The following ORMDL3 variants were observed in gnomAD, a reference collection of about 807,000 sequenced individuals.
ORMDL3 encodes the protein ORM1-like protein 3.
A neutral mutation model predicts 12.6 loss-of-function variants in ORMDL3; 6 were observed. The observed-to-expected ratio is 0.48, with a 90% CI of 0.26 to 0.94. ORMDL3 has a LOEUF of 0.94. Ranked by LOEUF, ORMDL3 falls within the 40% of genes least tolerant of loss-of-function variation. ORMDL3 has a pLI of 0.14. For synonymous variants in ORMDL3, 99 were observed against 87.2 expected (o/e 1.14, Z -0.75); for missense variants, 159 against 205.5 (o/e 0.77, Z 1.38).
intron 1 of ORMDL3, 123 bp downstream of exon 1, chr17:39,927,361 C>T: frequency 7.5e-6 from 5 of 669,212 alleles, no homozygotes; most frequent in Non-Finnish European, 9.2e-6. Context: ...GGCTGATGCA[C>T]TCCCTCCACC....
intron 1 of ORMDL3, chr17:39,926,395 T>A (rs1978421094): frequency 6.6e-6 from 1 of 152,246 alleles, no homozygotes; most frequent in South Asian, 2.1e-4. Flanking sequence ...GGAAACACTC[T>A]TGAGACTTTC....
rs1190465117 is a variant in ORMDL3 at position 39,922,340 on chromosome 17, A to G, written c.*210T>C. The G allele has an allele frequency of 9.4e-6, 5 of 531,838 alleles. No homozygotes were observed. The highest frequency in any genetic ancestry group is 1.6e-5 in the Non-Finnish European group (5 of 304,302). The allele number at this position is 531,838 out of a possible 1,614,324, so 32.9% of individuals were successfully genotyped here. A position where few individuals can be genotyped will look rare whatever the true frequency, so the allele number is the denominator to read the frequency against. On this transcript the variant is annotated 3_prime_UTR_variant, in exon 4 of 4. Transcript: ENST00000304046. ...AAGGAAAAGATCAAAAAATTCAGAAAAGGTCAGAGCCCAGGGGGCCTACCC... is the reference window on the plus strand; with the variant it reads ...AAGGAAAAGATCAAAAAATTCAGAAGAGGTCAGAGCCCAGGGGGCCTACCC...
chr17:39,921,347 TGA>T lies in ORMDL3; in HGVS notation c.*1201_*1202del. 6.5e-6 allele frequency: 1 copy of T among 152,680 alleles called. No individual in the cohort carries two copies. Among genetic ancestry groups the T allele is most frequent in the Middle Eastern group, 3.4e-3 (1 of 298 alleles). 9.5% of individuals were successfully genotyped at this position (152,680 alleles called of 1,614,324 possible). On this transcript the variant is annotated 3_prime_UTR_variant, in exon 4 of 4. Coordinates refer to ENST00000304046, the MANE Select transcript of ORMDL3 (RefSeq NM_139280.4). ...CGGCCTCACTTTCTTCTCTGCAGGC[TGA>T]GACAGTGCCTACAGGCCACGTCTTG... is the stretch of plus-strand genomic sequence containing the variant.
chr17:39,925,116 G>A (rs1056998814), intron 1 of ORMDL3: 1 of 152,392 alleles, frequency 6.6e-6, no homozygotes, highest in Non-Finnish European at 1.5e-5. Flanking sequence ...GCACAGACTC[G>A]AACCTGTGGC....
chr17:39,923,333 C>G, intron 2 of ORMDL3, 70 bp from the exon 3 acceptor site: 1 of 1,539,254 alleles, frequency 6.5e-7, no homozygotes, highest in Non-Finnish European at 8.9e-7. Flanking sequence ...TCCACCCAGT[C>G]ACAGACACAA....
At chr17:39,927,312 T>C in intron 1 of ORMDL3, 172 bp downstream of exon 1, 1 of 317,742 alleles carries the variant, frequency 3.1e-6, no homozygotes, top group Non-Finnish European at 4.3e-6. Context: ...CCGCTCGCAC[T>C]TTATTCCTTG....
At chr17:39,926,022 TC>T (rs1568113311) in intron 1 of ORMDL3, 1 of 152,180 alleles carries the variant, frequency 6.6e-6, no homozygotes, top group East Asian at 1.9e-4. Context: ...AGGACTTAAC[TC>T]TGACTAAGGA....
In ORMDL3 at chr17:39,927,494, C is replaced by G; in HGVS notation, c.-33G>C. 1 of 985,346 alleles carries G rather than the reference C, an allele frequency of 1.0e-6. No homozygotes were observed. 61.0% of individuals were successfully genotyped at this position (985,346 alleles called of 1,614,324 possible). On this transcript the variant is annotated 5_prime_UTR_variant, in exon 1 of 4. Transcript: ENST00000304046. The stretch of plus-strand genomic sequence containing the variant: ...TCCTTCCGGGCTCACCGTGTGGGGC[C>G]GAAGATCAACGGCCCGGGAACGGTT...
intron 2 of ORMDL3, among the ~76,000 whole-genome samples, chr17:39,923,578 G>A (rs541392437): frequency 1.3e-4 from 20 of 152,204 alleles, no homozygotes; most frequent in Admixed American, 2.0e-4. Flanking sequence ...CAAGCGATGG[G>A]ACTAAGCCCT....
At chr17:39,927,455 T>TGGG in intron 1 of ORMDL3, 29 bp downstream of exon 1, 2 of 984,550 alleles carry the variant, frequency 2.0e-6, no homozygotes, top group Non-Finnish European at 1.2e-6. Context: ...CCCGTAGCCC[T>TGGG]GGGGCCTCTT....
intron 1 of ORMDL3, chr17:39,926,453 G>GC (rs1978425549): frequency 6.6e-6 from 1 of 152,280 alleles, no homozygotes; most frequent in Non-Finnish European, 1.5e-5. Context: ...CAACCAACTG[G>GC]CCCCTACCCT....
chr17:39,923,307 C>G lies in ORMDL3; in HGVS notation c.175-44G>C, dbSNP rs779336743. On this transcript the variant is annotated intron_variant, in intron 2 of 3. Coordinates refer to ENST00000304046, the MANE Select transcript of ORMDL3 (RefSeq NM_139280.4). ...GTTAGAGGATACAAAAGGGAAAGGC[C>G]CCCCTGCCCAGCTCCTCCACCCAGT... 3.7e-6 allele frequency: 6 copies of G among 1,601,284 alleles called. No homozygotes were observed. In the Admixed American group the frequency reaches 5.0e-5, roughly 13 times the overall value.
chr17:39,924,127 T>G lies in ORMDL3; in HGVS notation c.77A>C (p.Tyr26Ser). ...VMNSRGIWLS[Y>S]VLAIGLLHIV... is the part of the protein sequence containing the mutation. ...GTGGAGGAGACCGATGGCCAGCACG[T>G]AGGAGAGCCAGATGCCACGGCTGTT... The change falls in exon 2 of 4, where the codon TAC (tyrosine) becomes TCC (serine). Residue 26 changes from tyrosine (Y) to serine (S), a missense_variant. Coordinates refer to ENST00000304046, the MANE Select transcript of ORMDL3 (RefSeq NM_139280.4). 1 of 1,614,118 alleles carries G rather than the reference T, an allele frequency of 6.2e-7. No homozygotes were observed. Among genetic ancestry groups the G allele is most frequent in the Admixed American group, 1.7e-5 (1 of 60,016 alleles).
At chr17:39,923,990 C>G (rs1030635212) in intron 2 of ORMDL3, 40 bp downstream of exon 2, 61 of 1,535,556 alleles carry the variant, frequency 4.0e-5, no homozygotes, top group Non-Finnish European at 5.3e-5. Flanking sequence ...GCCCACAGGG[C>G]AGGGGCAGGG....
rs769995151 is a variant in ORMDL3 at position 39,923,092 on chromosome 17, C to T, written c.326+20G>A. On this transcript the variant is annotated intron_variant, in intron 3 of 3. Transcript: ENST00000304046. ...GCCTTGCCCTGCCTGCTGGTGTCTT[C>T]CTGTAGCCCAGGCACTCACAGCACG... 1.2e-6 allele frequency: 2 copies of T among 1,613,880 alleles called. No individual in the cohort carries two copies. Among genetic ancestry groups the T allele is most frequent in the Non-Finnish European group, 1.7e-6 (2 of 1,179,840 alleles).
At chr17:39,922,755 G>A (rs1978306500) in intron 3 of ORMDL3, 70 bp from the exon 4 acceptor site, 1 of 1,541,136 alleles carries the variant, frequency 6.5e-7, no homozygotes, top group Non-Finnish European at 8.8e-7. Flanking sequence ...CACTTCCTGG[G>A]AGGGGAAAGG....
intron 3 of ORMDL3, among the ~76,000 whole-genome samples, 177 bp from the exon 4 acceptor site, chr17:39,922,862 C>T (rs1324312865): frequency 2.6e-5 from 4 of 152,168 alleles, no homozygotes; most frequent in Admixed American, 6.5e-5. Context: ...GGCCCAGTAC[C>T]GCCCCCACCT....
rs1978302550 is a variant in ORMDL3 at position 39,922,446 on chromosome 17, C to G, written c.*104G>C. Reference sequence around the variant, plus strand: ...TAGGCCAGAGGCTCAACCCCCATCTCTGGCAGTGTCCAGAGGCTTCTTCTT... The same window carrying G: ...TAGGCCAGAGGCTCAACCCCCATCTGTGGCAGTGTCCAGAGGCTTCTTCTT... On this transcript the variant is annotated 3_prime_UTR_variant, in exon 4 of 4. Coordinates refer to ENST00000304046, the MANE Select transcript of ORMDL3 (RefSeq NM_139280.4). 1 of 1,364,674 alleles carries G rather than the reference C, an allele frequency of 7.3e-7. No homozygotes were observed. Among genetic ancestry groups the G allele is most frequent in the African/African-American group, 1.5e-5 (1 of 67,918 alleles). The allele number at this position is 1,364,674 out of a possible 1,614,324, so 84.5% of individuals were successfully genotyped here.
At chr17:39,923,631 C>G (rs1350424454) in intron 2 of ORMDL3, among the ~76,000 whole-genome samples, 2 of 152,080 alleles carry the variant, frequency 1.3e-5, no homozygotes, top group Non-Finnish European at 2.9e-5. Context: ...GGTGAGGGAG[C>G]AGAGAAGGGC....
Sources: gnomAD v4.1 joint callset for allele counts (sites outside exome capture counted in the v4.1 genomes callset) on GRCh38, gnomAD v4.1.1 for gene constraint, MANE v1.5 for transcripts, NCBI Gene and HGNC (gene_info 2026-07-23, HGNC 2026-07-21) for gene names.